Variants in MTOR observed in about 807,000 individuals in gnomAD.
MTOR encodes mechanistic target of rapamycin kinase.
Under a neutral mutation model 319.8 loss-of-function variants are expected in MTOR, and 70 were observed. The observed-to-expected ratio is 0.22, with a 90% CI of 0.18 to 0.27. The LOEUF is 0.27. Among genes scored for constraint, MTOR ranks in the 10% least tolerant of loss-of-function variants. MTOR has a pLI of 1.00. For missense variants in MTOR, 1,890 were observed against 3,274.4 expected (o/e 0.58, Z 10.32); for synonymous variants, 1,183 against 1,211.4 (o/e 0.98, Z 0.49).
At chr1:11,232,580 A>G (rs757702808) in intron 15 of MTOR, 52 bp from the exon 16 acceptor site, 1 of 1,543,004 alleles carries the variant, frequency 6.5e-7, no homozygotes, top group Non-Finnish European at 8.9e-7. Context: ...CTGGCATTAG[A>G]AAGTATTTTG....
chr1:11,187,226 G>A (rs894416756), intron 28 of MTOR, among the ~76,000 whole-genome samples: 1 of 151,610 alleles, frequency 6.6e-6, no homozygotes, highest in African/African-American at 2.4e-5. Context: ...GAGTTCCAAG[G>A]CAGCAGGGTC....
rs143778806 is a variant in MTOR, at chr1:11,142,882, A to G, written c.4872+1766T>C. On this transcript the variant is annotated intron_variant, in intron 34 of 57. Transcript: ENST00000361445. ...ACCAAAAGCATTGGTGCAACTCCAAAGAAAAGTAACAAACATGTATTTTTC... is the reference window on the plus strand; with the variant it reads ...ACCAAAAGCATTGGTGCAACTCCAAGGAAAAGTAACAAACATGTATTTTTC... Among the ~76,000 whole-genome samples the G allele has an allele frequency of 2.1e-4, 32 of 152,340 alleles. No homozygotes were observed. In the East Asian group the frequency reaches 5.8e-3, roughly 28 times the overall value.
intron 47 of MTOR, among the ~76,000 whole-genome samples, chr1:11,123,409 CTTTT>C (rs950653302): frequency 7.4e-5 from 9 of 122,026 alleles, no homozygotes; most frequent in East Asian, 2.3e-4. Context: ...CTGTGCCCAG[CTTTT>C]TTTTTTTTTT....
intron 6 of MTOR, among the ~76,000 whole-genome samples, chr1:11,249,250 A>C (rs1309059632): frequency 2.0e-5 from 3 of 152,078 alleles, no homozygotes; most frequent in Non-Finnish European, 4.4e-5. Context: ...GGGGTTGGGG[A>C]CTACTCATCC....
intron 19 of MTOR, among the ~76,000 whole-genome samples, chr1:11,222,091 T>G (rs1646682859): frequency 1.3e-5 from 2 of 151,764 alleles, no homozygotes; most frequent in African/African-American, 2.4e-5. Flanking sequence ...AATTGATAAA[T>G]AAAGGGAAAG....
rs975877678 is a variant in MTOR at position 11,256,091 on chromosome 1, T to C, written c.606A>G (p.Lys202=). The C allele has an allele frequency of 1.2e-5, 20 of 1,613,956 alleles. No homozygotes were observed. The highest frequency in any genetic ancestry group is 1.2e-4 in the Admixed American group (7 of 59,976). The part of the protein sequence containing the change: ...DNIFVAVWDP[K]QAIREGAVAA... Reference sequence around the variant, plus strand: ...CTACAGCTCCCTCACGGATGGCCTGTTTGGGGTCCCACACGGCCACAAAAA... The same window carrying C: ...CTACAGCTCCCTCACGGATGGCCTGCTTGGGGTCCCACACGGCCACAAAAA... The change falls in exon 5 of 58, where the codon AAA becomes AAG. Residue 202 remains lysine (K), a synonymous_variant. Coordinates refer to ENST00000361445, the MANE Select transcript of MTOR (RefSeq NM_004958.4).
intron 8 of MTOR, among the ~76,000 whole-genome samples, chr1:11,247,166 C>T (rs1280463660): frequency 6.6e-6 from 1 of 152,168 alleles, no homozygotes; most frequent in Non-Finnish European, 1.5e-5. Context: ...TCTAGGAAGG[C>T]TTCGTTGAGA....
At chr1:11,243,036 C>T in intron 9 of MTOR, 78 bp downstream of exon 9, 1 of 1,536,074 alleles carries the variant, frequency 6.5e-7, no homozygotes, top group Non-Finnish European at 8.9e-7. Context: ...TGGGCGTAAG[C>T]TCCGTGGATC....
chr1:11,248,887 C>G (rs762482874), intron 6 of MTOR, among the ~76,000 whole-genome samples: 3 of 152,126 alleles, frequency 2.0e-5, no homozygotes, highest in Non-Finnish European at 4.4e-5. Flanking sequence ...ATGGAATAAG[C>G]TGACTGAGAA....
chr1:11,191,266 T>C (rs1645520225), intron 28 of MTOR, among the ~76,000 whole-genome samples: 2 of 152,200 alleles, frequency 1.3e-5, no homozygotes. Flanking sequence ...CAGTTACCCT[T>C]ATATTCTATA....
chr1:11,233,504 T>C lies in MTOR; in HGVS notation c.2332-17A>G. On this transcript the variant is annotated splice_polypyrimidine_tract_variant and intron_variant, in intron 14 of 57. Coordinates refer to ENST00000361445, the MANE Select transcript of MTOR (RefSeq NM_004958.4). ...AATTAATGCCTAGAGAAAGAAGTTATGAGAAAATGAATGCAGATTAGACTC... is the reference window on the plus strand; with the variant it reads ...AATTAATGCCTAGAGAAAGAAGTTACGAGAAAATGAATGCAGATTAGACTC... 2 of 1,600,210 alleles carry C rather than the reference T, an allele frequency of 1.2e-6. No individual in the cohort carries two copies. Among genetic ancestry groups the C allele is most frequent in the Admixed American group, 1.7e-5 (1 of 59,982 alleles).
At chr1:11,248,130 T>C (rs1296916821) in intron 6 of MTOR, 36 bp from the exon 7 acceptor site, 9 of 1,541,606 alleles carry the variant, frequency 5.8e-6, no homozygotes, top group African/African-American at 2.8e-5. Flanking sequence ...CATCTTTACT[T>C]ATGACTGGCA....
intron 28 of MTOR, among the ~76,000 whole-genome samples, chr1:11,175,746 G>GTTTTTTTTTTTTTTTTT (rs34392850): frequency 2.2e-5 from 3 of 137,312 alleles, no homozygotes; most frequent in African/African-American, 8.2e-5. Context: ...TCCCTAGCAG[G>GTTTTTTTTTTTTTTTTT]TTTTTTTTTT....
chr1:11,202,515 A>G, intron 26 of MTOR, among the ~76,000 whole-genome samples: 1 of 151,684 alleles, frequency 6.6e-6, no homozygotes, highest in East Asian at 1.9e-4. Context: ...TACGATGTAC[A>G]CTATTATTCA....
intron 28 of MTOR, among the ~76,000 whole-genome samples, chr1:11,184,995 T>C (rs913942358): frequency 6.6e-6 from 1 of 152,308 alleles, no homozygotes; most frequent in African/African-American, 2.4e-5. Flanking sequence ...AGTCCAAGTC[T>C]TTCACATAGC....
chr1:11,107,406 A>C lies in MTOR; in HGVS notation c.*79T>G. On this transcript the variant is annotated 3_prime_UTR_variant, in exon 58 of 58. Coordinates refer to ENST00000361445, the MANE Select transcript of MTOR (RefSeq NM_004958.4). ...TTTAACAAAGTCAAACTTTCTCACC[A>C]TGGTTTCAGTTTAGTGGAAGCATTT... The C allele has an allele frequency of 6.4e-7, 1 of 1,572,678 alleles. No individual in the cohort carries two copies. The highest frequency in any genetic ancestry group is 1.2e-5 in the South Asian group (1 of 84,254).
At chr1:11,253,766 A>G (rs778177657) in intron 6 of MTOR, 73 bp downstream of exon 6, 132 of 1,558,856 alleles carry the variant, frequency 8.5e-5, no homozygotes, top group Non-Finnish European at 1.1e-5. Context: ...CCATGAGGAC[A>G]TGGATCTCGC....
At chr1:11,217,376 A>T (rs1357317949) in intron 19 of MTOR, among the ~76,000 whole-genome samples, 1 of 151,752 alleles carries the variant, frequency 6.6e-6, no homozygotes, top group Non-Finnish European at 1.5e-5. Flanking sequence ...AGCAAATAAT[A>T]TTTGACACCC....
chr1:11,212,968 G>T lies in MTOR; in HGVS notation c.3286-60C>A. 1 of 1,325,296 alleles carries T rather than the reference G, an allele frequency of 7.5e-7. No homozygotes were observed. Among genetic ancestry groups the T allele is most frequent in the Non-Finnish European group, 1.1e-6 (1 of 919,492 alleles). The allele number at this position is 1,325,296 out of a possible 1,614,324, so 82.1% of individuals were successfully genotyped here. On this transcript the variant is annotated intron_variant, in intron 21 of 57. Transcript: ENST00000361445. This position sits in a 1 kb window ranked among gnomAD's most constrained non-coding sequence, Gnocchi z 4.1. ...TCAGGTCCCAAGTATCTAAGGACAC[G>T]CAGCGGGTGGTGGTGTAGACAATTC...
Sources: allele counts gnomAD v4.1 joint callset (sites outside exome capture counted in the v4.1 genomes callset), GRCh38; gene constraint gnomAD v4.1.1; non-coding constraint Gnocchi (gnomAD v3.1); transcripts MANE v1.5; gene names NCBI Gene and HGNC (gene_info 2026-07-23, HGNC 2026-07-21).